Variants in RGS7BP observed in about 807,000 individuals in gnomAD.
RGS7BP encodes the protein regulator of G protein signaling 7-binding protein.
A neutral mutation model predicts 31.3 loss-of-function variants in RGS7BP; 9 were observed. The observed-to-expected ratio is 0.29, with a 90% CI of 0.17 to 0.50. RGS7BP has a LOEUF of 0.50. Ranked by LOEUF, RGS7BP falls within the 20% of genes least tolerant of loss-of-function variation. The pLI is 0.98. For synonymous variants in RGS7BP, 115 were observed against 120.1 expected (o/e 0.96, Z 0.28); for missense variants, 274 against 322.0 (o/e 0.85, Z 1.14).
At position 64,583,060 on chromosome 5, in the gene RGS7BP, C is replaced by T. The variant is rs533822978; in HGVS notation, c.463+7156C>T. Among the ~76,000 whole-genome samples, 62 of 152,266 alleles carry T rather than the reference C, an allele frequency of 4.1e-4. No homozygotes were observed. In the Middle Eastern group the frequency reaches 0.01, roughly 25 times the overall value. ...TTTGTTATCTATCATATGTAAGGCA[C>T]TGTTCTGGGTGGTGAGAGACTGCAG... On this transcript the variant is annotated intron_variant, in intron 3 of 5. Transcript: ENST00000334025.
In RGS7BP at chr5:64,571,478, T is replaced by G. The variant is rs1742299421; in HGVS notation, c.333-4296T>G. Among the ~76,000 whole-genome samples the G allele has an allele frequency of 2.0e-5, 3 of 152,258 alleles. No individual in the cohort carries two copies. In the South Asian group the frequency reaches 6.2e-4, roughly 32 times the overall value. On this transcript the variant is annotated intron_variant, in intron 2 of 5. Coordinates refer to ENST00000334025, the MANE Select transcript of RGS7BP (RefSeq NM_001029875.3). The stretch of plus-strand genomic sequence containing the variant: ...TCATAGGATGGGTATATGTTTAGCT[T>G]TATAAGAAACTTCCAGAACTTTTTT...
rs571914418 is a variant in RGS7BP, at chr5:64,590,103, A to T, written c.464-4607A>T. Reference sequence around the variant, plus strand: ...TATTGAATCATATTTAATCAAAGTTAAAAAAAATTGGTGCATCCCTAGGTA... The same window carrying T: ...TATTGAATCATATTTAATCAAAGTTTAAAAAAATTGGTGCATCCCTAGGTA... On this transcript the variant is annotated intron_variant, in intron 3 of 5. Coordinates refer to ENST00000334025, the MANE Select transcript of RGS7BP (RefSeq NM_001029875.3). Among the ~76,000 whole-genome samples the T allele has an allele frequency of 2.0e-5, 3 of 151,868 alleles. No homozygotes were observed. The South Asian group carries it at 6.2e-4, about 32-fold the overall frequency.
rs1235187785 is a variant in RGS7BP, at chr5:64,506,596, A to G, written c.-29A>G. On this transcript the variant is annotated 5_prime_UTR_variant, in exon 1 of 6. Transcript: ENST00000334025. This position sits in a 1 kb window ranked among gnomAD's most constrained non-coding sequence, Gnocchi z 4.6. ...CGCCCGCGCCGGGGCGCACTGCACCAGCGGCTTCGGCTTGGTGGATGTGTA... is the reference window on the plus strand; with the variant it reads ...CGCCCGCGCCGGGGCGCACTGCACCGGCGGCTTCGGCTTGGTGGATGTGTA... 2 of 1,567,068 alleles carry G rather than the reference A, an allele frequency of 1.3e-6. No homozygotes were observed. The highest frequency in any genetic ancestry group is 1.7e-6 in the Non-Finnish European group (2 of 1,147,004).
intron 2 of RGS7BP, among the ~76,000 whole-genome samples, chr5:64,513,676 G>A (rs1047811036): frequency 6.6e-6 from 1 of 152,322 alleles, no homozygotes; most frequent in Admixed American, 6.5e-5. Context: ...CACGGTGGAG[G>A]AGGCCTTATG....
intron 2 of RGS7BP, among the ~76,000 whole-genome samples, chr5:64,514,265 T>C (rs1748915238): frequency 6.6e-6 from 1 of 151,086 alleles, no homozygotes. Flanking sequence ...GCAATGACCC[T>C]TTTTCCAAAA....
chr5:64,522,239 G>T (rs937328760), intron 2 of RGS7BP, among the ~76,000 whole-genome samples: 1 of 152,178 alleles, frequency 6.6e-6, no homozygotes, highest in East Asian at 1.9e-4. Flanking sequence ...TGAATGGAAG[G>T]CTGAATGGAA....
rs151279449 is a variant in RGS7BP, at chr5:64,561,051, C to T, written c.333-14723C>T. On this transcript the variant is annotated intron_variant, in intron 2 of 5. Transcript: ENST00000334025. Reference sequence around the variant, plus strand: ...CATTGCTCTGCTTGGATGCTGGGACCCCTGCGGGGCAAGAGCACCCTGTTC... The same window carrying T: ...CATTGCTCTGCTTGGATGCTGGGACTCCTGCGGGGCAAGAGCACCCTGTTC... 8.9e-3 allele frequency among the ~76,000 whole-genome samples: 1,359 copies of T among 152,106 alleles called. 10 individuals are homozygous for T. The highest frequency in any genetic ancestry group is 0.013 in the Non-Finnish European group (867 of 67,980).
chr5:64,607,200 G>C (rs1042923912), intron 5 of RGS7BP, among the ~76,000 whole-genome samples: 2 of 152,136 alleles, frequency 1.3e-5, no homozygotes, highest in Non-Finnish European at 2.9e-5. Flanking sequence ...GACACTTTAT[G>C]TAAGAGGACT....
At chr5:64,600,831 A>G (rs75444079) in intron 5 of RGS7BP, among the ~76,000 whole-genome samples, 1,844 of 152,308 alleles carry the variant, frequency 0.012, 40 homozygotes, top group African/African-American at 0.043. Context: ...TGAGCTGACC[A>G]GTGGGGAAGG....
chr5:64,544,861 C>A (rs1023149443), intron 2 of RGS7BP, among the ~76,000 whole-genome samples: 1 of 151,914 alleles, frequency 6.6e-6, no homozygotes, highest in Non-Finnish European at 1.5e-5. Context: ...TAAGCAGGAA[C>A]CATGTTGTAA....
At chr5:64,567,447 A>T (rs1435109901) in intron 2 of RGS7BP, among the ~76,000 whole-genome samples, 1 of 152,144 alleles carries the variant, frequency 6.6e-6, no homozygotes, top group Non-Finnish European at 1.5e-5. Flanking sequence ...TCTTTTGTAA[A>T]TCCTCAGTCA....
intron 4 of RGS7BP, among the ~76,000 whole-genome samples, chr5:64,596,222 T>C (rs1465625061): frequency 6.6e-6 from 1 of 152,190 alleles, no homozygotes; most frequent in East Asian, 1.9e-4. Context: ...ATGTTTCAGT[T>C]CAGCCTGAAA....
intron 2 of RGS7BP, among the ~76,000 whole-genome samples, chr5:64,510,445 A>G (rs1173043159): frequency 3.3e-5 from 5 of 152,236 alleles, no homozygotes; most frequent in Admixed American, 6.5e-5. Flanking sequence ...GCCACAAAAC[A>G]TCACATGTCA....
At position 64,566,423 on chromosome 5, in the gene RGS7BP, C is replaced by T. The variant is rs553111707; in HGVS notation, c.333-9351C>T. On this transcript the variant is annotated intron_variant, in intron 2 of 5. Transcript: ENST00000334025. ...ATTCAGGGCAGGCTGCTTGTAAAAG[C>T]GAGACAGCAAAGACTGGCACTAGGG... Among the ~76,000 whole-genome samples the T allele has an allele frequency of 1.3e-4, 20 of 152,018 alleles. No individual in the cohort carries two copies. In the South Asian group the frequency reaches 2.1e-3, roughly 16 times the overall value.
intron 5 of RGS7BP, among the ~76,000 whole-genome samples, chr5:64,607,399 G>T (rs62372277): frequency 0.17 from 25,673 of 152,040 alleles, 2,741 homozygotes; most frequent in African/African-American, 0.3. Flanking sequence ...TTTTATACGT[G>T]TAGGAAGACA....
chr5:64,601,956 A>T (rs1239326750), intron 5 of RGS7BP, among the ~76,000 whole-genome samples: 1 of 152,186 alleles, frequency 6.6e-6, no homozygotes, highest in African/African-American at 2.4e-5. Context: ...CAGTATGTTC[A>T]TTCTTGCATA....
At chr5:64,594,922 A>G (rs1287869410) in intron 4 of RGS7BP, 65 bp downstream of exon 4, 20 of 1,517,052 alleles carry the variant, frequency 1.3e-5, no homozygotes, top group Non-Finnish European at 1.8e-5. Flanking sequence ...TAGGGGCCAC[A>G]GAGAGACGAG....
chr5:64,584,272 G>T (rs992878434), intron 3 of RGS7BP, among the ~76,000 whole-genome samples: 1 of 152,190 alleles, frequency 6.6e-6, no homozygotes, highest in Non-Finnish European at 1.5e-5. Context: ...ATAACACTAA[G>T]TTGGGAGAGG....
intron 3 of RGS7BP, among the ~76,000 whole-genome samples, chr5:64,584,974 T>G (rs1314986619): frequency 6.6e-6 from 1 of 152,144 alleles, no homozygotes; most frequent in Non-Finnish European, 1.5e-5. Context: ...TGGATTACTT[T>G]AAAAAACAGC....
Sources: gnomAD v4.1 joint callset for allele counts (sites outside exome capture counted in the v4.1 genomes callset) on GRCh38, gnomAD v4.1.1 for gene constraint, Gnocchi (gnomAD v3.1) non-coding constraint, MANE v1.5 for transcripts, NCBI Gene and HGNC (gene_info 2026-07-23, HGNC 2026-07-21) for gene names.